The following AKAP13 variants were observed in gnomAD, a reference collection of about 807,000 sequenced individuals.
AKAP13 encodes A-kinase anchoring protein 13.
In AKAP13, 80 loss-of-function variants were observed where a neutral mutation model predicts 264.5. The ratio of observed to expected loss-of-function variants is 0.30; its 90% confidence interval spans 0.25 to 0.36. The LOEUF (loss-of-function observed/expected upper bound fraction) is 0.36. Ranked by LOEUF, AKAP13 falls within the 10% of genes least tolerant of loss-of-function variation. The probability of loss-of-function intolerance (pLI) is 1.00; values close to 1 mark genes in which losing one functional copy is unlikely to be tolerated. For missense variants in AKAP13, 3,712 were observed against 3,435.2 expected, an observed-to-expected ratio of 1.08 and a Z score of -2.01; for synonymous variants, 1,380 against 1,250.2, an observed-to-expected ratio of 1.10 and a Z score of -2.19.
intron 30 of AKAP13, 105 bp from the exon 31 acceptor site, chr15:85,734,887 T>C (rs1319043985): frequency 2.1e-6 from 3 of 1,445,220 alleles, no homozygotes; most frequent in Admixed American, 4.5e-5. Flanking sequence ...AGTCACTCTT[T>C]GGAACTTTCA....
At chr15:85,513,210 G>A (rs1045552160) in intron 2 of AKAP13, among the ~76,000 whole-genome samples, 1 of 152,104 alleles carries the variant, frequency 6.6e-6, no homozygotes, top group Non-Finnish European at 1.5e-5. Context: ...GTGTGAGCAT[G>A]GACAGGCTCC....
intron 5 of AKAP13, among the ~76,000 whole-genome samples, chr15:85,551,137 G>A (rs895546923): frequency 6.6e-6 from 1 of 152,138 alleles, no homozygotes; most frequent in Admixed American, 6.5e-5. Flanking sequence ...ATTAATTTAT[G>A]ATGGTTAATA....
chr15:85,472,558 A>G (rs190507378), intron 1 of AKAP13, among the ~76,000 whole-genome samples: 160 of 152,306 alleles, frequency 1.1e-3, no homozygotes, highest in African/African-American at 3.4e-3. Flanking sequence ...GCTGGCCTCA[A>G]ACTTCTCAAG....
intron 2 of AKAP13, among the ~76,000 whole-genome samples, chr15:85,505,442 T>G (rs1179084501): frequency 6.6e-6 from 1 of 152,222 alleles, no homozygotes; most frequent in African/African-American, 2.4e-5. Context: ...GGGTATGGTT[T>G]TGGCAGGAGA....
At position 85,720,247 on chromosome 15, in the gene AKAP13, T is replaced by G. The variant is rs184413031; in HGVS notation, c.6252+921T>G. On this transcript the variant is annotated intron_variant, in intron 23 of 36. Coordinates refer to ENST00000394518, the MANE Select transcript of AKAP13 (RefSeq NM_007200.5). ...AGAGTGAGAGACCCCAGCTCAACAT[T>G]TAAAAACAAACTCTGTGTGTGTGTG... Among the ~76,000 whole-genome samples, 276 of 125,334 alleles carry G rather than the reference T, an allele frequency of 2.2e-3. 1 individual carries two copies. The highest frequency in any genetic ancestry group is 6.5e-3 in the Admixed American group (75 of 11,512). 82.2% of individuals were successfully genotyped at this position (125,334 alleles called of 152,430 possible).
At chr15:85,470,086 G>A (rs903468552) in intron 1 of AKAP13, among the ~76,000 whole-genome samples, 2 of 152,092 alleles carry the variant, frequency 1.3e-5, no homozygotes, top group South Asian at 2.1e-4. Context: ...TCAGGAGTTC[G>A]AGACCAGCCT....
chr15:85,459,457 C>T (rs1326944940), intron 1 of AKAP13, among the ~76,000 whole-genome samples: 1 of 150,864 alleles, frequency 6.6e-6, no homozygotes, highest in South Asian at 2.1e-4. Flanking sequence ...CCTTGGCCTC[C>T]CAAAGTGATA....
intron 1 of AKAP13, among the ~76,000 whole-genome samples, chr15:85,382,670 C>G (rs1322160370): frequency 2.6e-5 from 4 of 152,170 alleles, no homozygotes; most frequent in Non-Finnish European, 2.9e-5. Flanking sequence ...CTTCTTTTGC[C>G]TTGACTAAAT....
At chr15:85,387,517 G>T (rs2070634627) in intron 1 of AKAP13, among the ~76,000 whole-genome samples, 3 of 152,040 alleles carry the variant, frequency 2.0e-5, no homozygotes. Context: ...TAGAGACAGA[G>T]TCTCTCTATG....
chr15:85,551,067 A>G (rs1040574427), intron 5 of AKAP13, among the ~76,000 whole-genome samples: 1 of 152,016 alleles, frequency 6.6e-6, no homozygotes, highest in Non-Finnish European at 1.5e-5. Flanking sequence ...TTGTATTTGG[A>G]TTTATTCATA....
At chr15:85,588,789 G>A (rs1423442373) in intron 8 of AKAP13, among the ~76,000 whole-genome samples, 1 of 152,160 alleles carries the variant, frequency 6.6e-6, no homozygotes, top group Non-Finnish European at 1.5e-5. Context: ...AAGGCAGCTG[G>A]AAGAGTTTGA....
At chr15:85,655,091 C>A (rs2083037498) in intron 10 of AKAP13, among the ~76,000 whole-genome samples, 1 of 152,044 alleles carries the variant, frequency 6.6e-6, no homozygotes, top group African/African-American at 2.4e-5. Flanking sequence ...ACTTGGGAGG[C>A]CGAGGCAGGA....
intron 5 of AKAP13, among the ~76,000 whole-genome samples, chr15:85,567,388 G>A (rs980447768): frequency 2.6e-5 from 4 of 152,202 alleles, no homozygotes; most frequent in Non-Finnish European, 4.4e-5. Context: ...TTGCAGGCGT[G>A]AGCCACCACG....
At chr15:85,434,672 C>T (rs913856746) in intron 1 of AKAP13, among the ~76,000 whole-genome samples, 16 of 152,238 alleles carry the variant, frequency 1.1e-4, no homozygotes, top group African/African-American at 1.9e-4. Flanking sequence ...CCCTGACCCC[C>T]GAGCAGCCTA....
chr15:85,734,684 C>T (rs1175836575), intron 30 of AKAP13, among the ~76,000 whole-genome samples: 1 of 152,216 alleles, frequency 6.6e-6, no homozygotes, highest in Admixed American at 6.5e-5. Context: ...CAGGGAATAT[C>T]TTCTGTCTGC....
intron 8 of AKAP13, among the ~76,000 whole-genome samples, chr15:85,616,806 A>T (rs2080954241): frequency 6.6e-6 from 1 of 152,246 alleles, no homozygotes; most frequent in Admixed American, 6.5e-5. Context: ...AAGACTGCAG[A>T]TTCTGTCTTC....
intron 31 of AKAP13, 35 bp from the exon 32 acceptor site, chr15:85,735,525 C>G (rs1381017573): frequency 1.9e-6 from 3 of 1,565,714 alleles, no homozygotes; most frequent in African/African-American, 1.4e-5. Context: ...TGTTTCACAA[C>G]TTTAAAAAAA....
intron 5 of AKAP13, chr15:85,555,467 A>T (rs1029926709): frequency 7.8e-7 from 1 of 1,288,738 alleles, no homozygotes; most frequent in South Asian, 1.2e-5. Context: ...GGCTTGCGAT[A>T]TTCGGGGTGC....
intron 2 of AKAP13, among the ~76,000 whole-genome samples, chr15:85,496,097 C>T (rs2075865227): frequency 6.6e-6 from 1 of 152,120 alleles, no homozygotes; most frequent in African/African-American, 2.4e-5. Flanking sequence ...TTAATCATGA[C>T]AATAGACATA....
Sources: allele counts gnomAD v4.1 joint callset (sites outside exome capture counted in the v4.1 genomes callset), GRCh38; gene constraint gnomAD v4.1.1; transcripts MANE v1.5; gene names NCBI Gene and HGNC (gene_info 2026-07-23, HGNC 2026-07-21).